Variants in AGBL3 observed in about 807,000 individuals in gnomAD.
AGBL3 encodes the protein cytosolic carboxypeptidase 3.
Under a neutral mutation model 94.5 loss-of-function variants are expected in AGBL3, and 68 were observed. That is an observed-to-expected ratio of 0.72 (90% confidence interval 0.59 to 0.88). The LOEUF (loss-of-function observed/expected upper bound fraction) is 0.88. Among genes scored for constraint, AGBL3 ranks in the 40% least tolerant of loss-of-function variants. The probability of loss-of-function intolerance (pLI) is 0.00; values close to 1 mark genes in which losing one functional copy is unlikely to be tolerated. For synonymous variants in AGBL3, 354 were observed against 370.7 expected, an observed-to-expected ratio of 0.95 and a Z score of 0.52; for missense variants, 934 against 1,103.8, an observed-to-expected ratio of 0.85 and a Z score of 2.18.
At chr7:135,120,643 C>T (rs4732096) in intron 16 of AGBL3, among the ~76,000 whole-genome samples, 73,357 of 151,580 alleles carry the variant, frequency 0.48, 18,050 homozygotes, top group South Asian at 0.65. Context: ...CAGTTAAGGA[C>T]AGATTAACAG....
At chr7:135,095,961 G>T (rs1822606892) in intron 15 of AGBL3, among the ~76,000 whole-genome samples, 1 of 152,128 alleles carries the variant, frequency 6.6e-6, no homozygotes, top group Non-Finnish European at 1.5e-5. Flanking sequence ...AGATCAGCCT[G>T]GCCAACATGG....
At chr7:135,092,112 T>C (rs1324225996) in intron 15 of AGBL3, among the ~76,000 whole-genome samples, 1 of 152,252 alleles carries the variant, frequency 6.6e-6, no homozygotes, top group Admixed American at 6.5e-5. Context: ...CTTTCCTTAC[T>C]TGTAATATAT....
intron 12 of AGBL3, among the ~76,000 whole-genome samples, chr7:135,073,565 G>C (rs1457838981): frequency 6.6e-6 from 1 of 152,016 alleles, no homozygotes; most frequent in African/African-American, 2.4e-5. Flanking sequence ...AAACCCCTCA[G>C]ACACCAAGTT....
rs1809908711 is a variant in AGBL3, at chr7:134,989,301, CTTTTAACAGG to C, written c.119_124+4del. 1 of 1,546,446 alleles carries C rather than the reference CTTTTAACAGG, an allele frequency of 6.5e-7. No homozygotes were observed. The highest frequency in any genetic ancestry group is 1.4e-5 in the African/African-American group (1 of 72,740). ...AAGTGAAGATCTTCATCGGTGTGCACTTTTAACAGGTTTGAACCTATTCATATAGTTTTTG... is the reference window on the plus strand; with the variant it reads ...AAGTGAAGATCTTCATCGGTGTGCACTTTGAACCTATTCATATAGTTTTTG... On this transcript the variant is annotated splice_donor_variant and coding_sequence_variant, in exon 3 of 17. Coordinates refer to ENST00000436302, the MANE Select transcript of AGBL3 (RefSeq NM_178563.4). LOFTEE classifies it high-confidence loss of function.
In AGBL3 at chr7:134,993,758, A is replaced by G. The variant is rs544122297; in HGVS notation, c.310+80A>G. The G allele has an allele frequency of 2.5e-4, 303 of 1,227,882 alleles. 1 individual carries two copies. In the Middle Eastern group the frequency reaches 3.0e-3, roughly 12 times the overall value. The allele number at this position is 1,227,882 out of a possible 1,614,324, so 76.1% of individuals were successfully genotyped here. A position where few individuals can be genotyped will look rare whatever the true frequency, so the allele number is the denominator to read the frequency against. Reference sequence around the variant, plus strand: ...CTTAATTTTAATGAGGAGACTCACAATGTTAGAAAACAGCACATTCCAACA... The same window carrying G: ...CTTAATTTTAATGAGGAGACTCACAGTGTTAGAAAACAGCACATTCCAACA... On this transcript the variant is annotated intron_variant, in intron 4 of 16. Coordinates refer to ENST00000436302, the MANE Select transcript of AGBL3 (RefSeq NM_178563.4).
intron 16 of AGBL3, chr7:135,129,125 G>C (rs981995642): frequency 3.2e-6 from 5 of 1,540,492 alleles, no homozygotes; most frequent in African/African-American, 1.4e-5. Context: ...TGGAAGCAGA[G>C]TTATTTGCCT....
intron 11 of AGBL3, among the ~76,000 whole-genome samples, chr7:135,048,781 G>A (rs1051113936): frequency 2.7e-5 from 4 of 150,446 alleles, no homozygotes; most frequent in African/African-American, 9.8e-5. Flanking sequence ...AGTCCATAGG[G>A]TTTTCTATAT....
At chr7:135,068,672 G>A (rs1464104515) in intron 12 of AGBL3, among the ~76,000 whole-genome samples, 1 of 152,126 alleles carries the variant, frequency 6.6e-6, no homozygotes, top group Non-Finnish European at 1.5e-5. Flanking sequence ...ATACCTTACA[G>A]ACAAGTAAAT....
At chr7:135,073,388 T>C (rs369620908) in intron 12 of AGBL3, among the ~76,000 whole-genome samples, 2 of 152,072 alleles carry the variant, frequency 1.3e-5, no homozygotes, top group African/African-American at 2.4e-5. Context: ...GGAAAATCAC[T>C]TGAACTTGGG....
At chr7:135,035,879 T>TC in intron 7 of AGBL3, among the ~76,000 whole-genome samples, 1 of 152,132 alleles carries the variant, frequency 6.6e-6, no homozygotes, top group Non-Finnish European at 1.5e-5. Context: ...CCTTATAATC[T>TC]AGTTAGTTTT....
At chr7:135,065,568 C>T (rs574257359) in intron 12 of AGBL3, among the ~76,000 whole-genome samples, 1 of 152,240 alleles carries the variant, frequency 6.6e-6, no homozygotes, top group Admixed American at 6.5e-5. Context: ...GCTAAGAATA[C>T]ACAATGAAGA....
At chr7:135,071,497 C>T (rs998758934) in intron 12 of AGBL3, among the ~76,000 whole-genome samples, 2 of 152,152 alleles carry the variant, frequency 1.3e-5, no homozygotes, top group African/African-American at 2.4e-5. Context: ...CATCACACTA[C>T]CTGACTTCAA....
intron 16 of AGBL3, among the ~76,000 whole-genome samples, chr7:135,118,473 C>T (rs1485847304): frequency 6.6e-6 from 1 of 152,128 alleles, no homozygotes; most frequent in Non-Finnish European, 1.5e-5. Context: ...AGATGGGGAA[C>T]CTGGACTTCC....
rs192479712 is a variant in AGBL3, at chr7:135,123,786, C to T, written c.2342+8175C>T. On this transcript the variant is annotated intron_variant, in intron 16 of 16. Coordinates refer to ENST00000436302, the MANE Select transcript of AGBL3 (RefSeq NM_178563.4). ...TTTCAACCCAGAATTTCATATGTGG[C>T]CAAACTAATCTTCATAAGCAAAGGA... Among the ~76,000 whole-genome samples, 66 of 152,158 alleles carry T rather than the reference C, an allele frequency of 4.3e-4. 1 individual carries two copies. In the East Asian group the frequency reaches 0.011, roughly 25 times the overall value.
intron 12 of AGBL3, among the ~76,000 whole-genome samples, chr7:135,071,944 G>A (rs1173199923): frequency 6.6e-6 from 1 of 152,122 alleles, no homozygotes; most frequent in Non-Finnish European, 1.5e-5. Flanking sequence ...CTTCTGCACA[G>A]CAAAAGAAAC....
At chr7:135,033,949 G>T (rs1816036705) in intron 6 of AGBL3, among the ~76,000 whole-genome samples, 200 bp from the exon 7 acceptor site, 1 of 152,116 alleles carries the variant, frequency 6.6e-6, no homozygotes, top group Non-Finnish European at 1.5e-5. Context: ...TTTAGAATTA[G>T]CATAGAAGCA....
intron 16 of AGBL3, among the ~76,000 whole-genome samples, chr7:135,119,705 G>A (rs755465250): frequency 1.4e-4 from 21 of 151,892 alleles, no homozygotes; most frequent in South Asian, 4.2e-4. Context: ...GTGAAACCCC[G>A]TCTCTACTAA....
At chr7:135,101,123 C>T (rs781151724) in intron 15 of AGBL3, 11 of 453,788 alleles carry the variant, frequency 2.4e-5, no homozygotes, top group Non-Finnish European at 4.4e-5. Flanking sequence ...CCAACACAAA[C>T]ATTTTTTAGA....
At chr7:134,991,405 G>A (rs570713002) in intron 3 of AGBL3, among the ~76,000 whole-genome samples, 137 of 151,514 alleles carry the variant, frequency 9.0e-4, no homozygotes, top group Middle Eastern at 3.4e-3. Flanking sequence ...AGAAAGACTG[G>A]GTTTCTGATT....
Sources: allele counts gnomAD v4.1 joint callset (sites outside exome capture counted in the v4.1 genomes callset), GRCh38; gene constraint gnomAD v4.1.1; transcripts MANE v1.5; gene names NCBI Gene and HGNC (gene_info 2026-07-23, HGNC 2026-07-21).